WDFY4: variants seen among roughly 807,000 people sequenced by gnomAD.
WDFY4 encodes WD repeat- and FYVE domain-containing protein 4.
A neutral mutation model predicts 351.9 loss-of-function variants in WDFY4; 169 were observed. The observed-to-expected ratio is 0.48, with a 90% CI of 0.42 to 0.55. The LOEUF (loss-of-function observed/expected upper bound fraction) is 0.55, where lower values mean the gene tolerates loss of function less well. Among genes scored for constraint, WDFY4 ranks in the 20% least tolerant of loss-of-function variants. The pLI, the probability that WDFY4 is intolerant of heterozygous loss-of-function variation, is 0.00. For missense variants in WDFY4, 3,803 were observed against 3,935.6 expected, an observed-to-expected ratio of 0.97 and a Z score of 0.90; for synonymous variants, 1,622 against 1,574.6, an observed-to-expected ratio of 1.03 and a Z score of -0.71.
At position 48,810,525 on chromosome 10, in the gene WDFY4, C is replaced by T; in HGVS notation, c.4839-5C>T. The stretch of plus-strand genomic sequence containing the variant: ...AGAACATTGGTTGCATTTATTAATC[C>T]CCAGGTCAAAGGAAGAGATGTTTCT... On this transcript the variant is annotated splice_polypyrimidine_tract_variant and splice_region_variant and intron_variant, in intron 28 of 61. Coordinates refer to ENST00000325239, the MANE Select transcript of WDFY4 (RefSeq NM_001394531.1). The T allele has an allele frequency of 6.5e-7, 1 of 1,549,072 alleles. No homozygotes were observed. The highest frequency in any genetic ancestry group is 1.2e-5 in the South Asian group (1 of 83,688).
chr10:48,725,269 C>T (rs1193211727), intron 5 of WDFY4, among the ~76,000 whole-genome samples: 1 of 152,182 alleles, frequency 6.6e-6, no homozygotes, highest in East Asian at 1.9e-4. Context: ...CTGTTGGACC[C>T]CCAAGAGCCC....
chr10:48,839,545 G>A (rs544440087), intron 39 of WDFY4, among the ~76,000 whole-genome samples: 1 of 152,268 alleles, frequency 6.6e-6, no homozygotes, highest in African/African-American at 2.4e-5. Context: ...AGAGAGAGGT[G>A]AGATCTTGTG....
chr10:48,927,161 A>T (rs1483913030), intron 47 of WDFY4, among the ~76,000 whole-genome samples: 1 of 152,116 alleles, frequency 6.6e-6, no homozygotes, highest in East Asian at 1.9e-4. Context: ...ACCTCTCGTT[A>T]AGTACTTCTG....
intron 11 of WDFY4, among the ~76,000 whole-genome samples, chr10:48,737,347 G>C (rs151039359): frequency 0.013 from 1,944 of 152,056 alleles, 17 homozygotes; most frequent in Middle Eastern, 0.055. Context: ...ATATTTGATT[G>C]TTGGTGAATT....
intron 9 of WDFY4, 148 bp from the exon 10 acceptor site, chr10:48,733,783 T>G (rs2064551168): frequency 1.5e-6 from 1 of 681,754 alleles, no homozygotes; most frequent in African/African-American, 1.8e-5. Context: ...GGTAACAGCC[T>G]TCTATCTTAC....
intron 43 of WDFY4, among the ~76,000 whole-genome samples, chr10:48,878,911 T>C (rs182825713): frequency 6.6e-6 from 1 of 152,374 alleles, no homozygotes; most frequent in East Asian, 1.9e-4. Context: ...CGTGCTAAAT[T>C]CATGTGCATT....
chr10:48,902,083 C>T (rs1488123648), intron 47 of WDFY4, among the ~76,000 whole-genome samples: 1 of 151,838 alleles, frequency 6.6e-6, no homozygotes, highest in Non-Finnish European at 1.5e-5. Context: ...TGCCCTGTGG[C>T]TTTTTCAGAC....
Position 48,778,512 on chromosome 10 carries a change from G to C in WDFY4, c.3176-99G>C, listed in dbSNP as rs142868839. The C allele has an allele frequency of 8.1e-5, 97 of 1,204,590 alleles. No homozygotes were observed. The African/African-American group carries it at 1.3e-3, about 16-fold the overall frequency. The allele number at this position is 1,204,590 out of a possible 1,614,324, so 74.6% of individuals were successfully genotyped here. On this transcript the variant is annotated intron_variant, in intron 17 of 61. Coordinates refer to ENST00000325239, the MANE Select transcript of WDFY4 (RefSeq NM_001394531.1). ...TGGTGATTAGGCAAGACACCCAGTA[G>C]GTGCTGCACCTGGGCTAAATCAGCA...
Position 48,699,345 on chromosome 10 carries a change from C to T in WDFY4, c.-17-10371C>T, listed in dbSNP as rs1349550226. On this transcript the variant is annotated intron_variant, in intron 1 of 61. Coordinates refer to ENST00000325239, the MANE Select transcript of WDFY4 (RefSeq NM_001394531.1). ...GCCAGCAGGGGCAGAGGCACAGGGACCTATTGTAACATCCAGTGTCCCTCC... is the reference window on the plus strand; with the variant it reads ...GCCAGCAGGGGCAGAGGCACAGGGATCTATTGTAACATCCAGTGTCCCTCC... 3.3e-5 allele frequency among the ~76,000 whole-genome samples: 5 copies of T among 152,286 alleles called. 1 individual carries two copies. Among genetic ancestry groups the T allele is most frequent in the South Asian group, 4.1e-4 (2 of 4,822 alleles).
chr10:48,928,067 T>C lies in WDFY4; in HGVS notation c.7587-13739T>C, dbSNP rs531136864. On this transcript the variant is annotated intron_variant, in intron 47 of 61. Transcript: ENST00000325239. ...TGATTCCATTCCACCCAATGTGTTT[T>C]AAGCGCTGCTATTGCCAGACAGGTG... Among the ~76,000 whole-genome samples the C allele has an allele frequency of 1.2e-4, 18 of 152,320 alleles. No homozygotes were observed. In the East Asian group the frequency reaches 3.5e-3, roughly 29 times the overall value.
At chr10:48,766,842 A>G (rs1426647968) in intron 13 of WDFY4, among the ~76,000 whole-genome samples, 1 of 152,202 alleles carries the variant, frequency 6.6e-6, no homozygotes, top group Non-Finnish European at 1.5e-5. Flanking sequence ...GAGATCACAG[A>G]CTCAACATCT....
chr10:48,974,568 T>C (rs1196408163), intron 57 of WDFY4, among the ~76,000 whole-genome samples: 1 of 137,520 alleles, frequency 7.3e-6, no homozygotes, highest in African/African-American at 2.8e-5. Flanking sequence ...TCAAGATAGA[T>C]GTAGGGCAGC....
chr10:48,863,278 C>T (rs1488671230), intron 39 of WDFY4, among the ~76,000 whole-genome samples: 2 of 152,156 alleles, frequency 1.3e-5, no homozygotes, highest in African/African-American at 4.8e-5. Context: ...AGAATGTTTT[C>T]CAAAATTCTA....
chr10:48,947,799 G>T (rs1283125210), intron 51 of WDFY4, among the ~76,000 whole-genome samples: 1 of 152,180 alleles, frequency 6.6e-6, no homozygotes, highest in Non-Finnish European at 1.5e-5. Context: ...AGGGCAGCTG[G>T]CTCGGCTGAC....
chr10:48,887,426 G>A (rs954358248), intron 43 of WDFY4, among the ~76,000 whole-genome samples: 2 of 152,174 alleles, frequency 1.3e-5, no homozygotes, highest in African/African-American at 4.8e-5. Context: ...GGGTAATCTG[G>A]CAATGGCTAC....
intron 39 of WDFY4, among the ~76,000 whole-genome samples, chr10:48,838,553 C>A (rs1012271358): frequency 3.3e-5 from 5 of 152,014 alleles, no homozygotes; most frequent in African/African-American, 1.2e-4. Flanking sequence ...AGCACTTCAC[C>A]CATTATCTTT....
At chr10:48,737,735 G>A (rs2064718963) in intron 11 of WDFY4, among the ~76,000 whole-genome samples, 1 of 152,196 alleles carries the variant, frequency 6.6e-6, no homozygotes, top group South Asian at 2.1e-4. Context: ...AAAGACACTT[G>A]AATCCCATGA....
intron 13 of WDFY4, among the ~76,000 whole-genome samples, chr10:48,774,184 G>A (rs2065954332): frequency 6.6e-6 from 1 of 152,246 alleles, no homozygotes; most frequent in African/African-American, 2.4e-5. Flanking sequence ...CCTGCCTGCT[G>A]GCATGTGGCC....
At position 48,725,892 on chromosome 10, in the gene WDFY4, T is replaced by C; in HGVS notation, c.603T>C (p.Asn201=). ...TTCTTATTTTTCAGATGTTGCTCAA[T>C]ATTTGCAGTGACTCTCAGGGCCTGG... ...VQKMFVQMLL[N]ICSDSQGLEG... is the part of the protein sequence containing the mutation. The change falls in exon 6 of 62, where the codon AAT becomes AAC. Residue 201 remains asparagine, a synonymous_variant. Coordinates refer to ENST00000325239, the MANE Select transcript of WDFY4 (RefSeq NM_001394531.1). 1 of 1,544,778 alleles carries C rather than the reference T, an allele frequency of 6.5e-7. No homozygotes were observed. The highest frequency in any genetic ancestry group is 8.8e-7 in the Non-Finnish European group (1 of 1,141,278).
Sources: allele counts gnomAD v4.1 joint callset (sites outside exome capture counted in the v4.1 genomes callset), GRCh38; gene constraint gnomAD v4.1.1; transcripts MANE v1.5; gene names NCBI Gene and HGNC (gene_info 2026-07-23, HGNC 2026-07-21).